FOXP2: variants seen among roughly 807,000 people sequenced by gnomAD.
FOXP2 encodes the protein forkhead box P2.
Under a neutral mutation model 115.8 loss-of-function variants are expected in FOXP2, and 12 were observed. The ratio of observed to expected loss-of-function variants is 0.10; its 90% CI spans 0.07 to 0.17. FOXP2 has a LOEUF of 0.17. Ranked by LOEUF, FOXP2 falls within the 10% of genes least tolerant of loss-of-function variation. The pLI is 1.00. For synonymous variants in FOXP2, 328 were observed against 297.7 expected (o/e 1.10, Z -1.05); for missense variants, 629 against 843.5 (o/e 0.75, Z 3.15).
At chr7:114,458,339 T>A (rs1795409866) in intron 2 of FOXP2, among the ~76,000 whole-genome samples, 1 of 152,024 alleles carries the variant, frequency 6.6e-6, no homozygotes, top group South Asian at 2.1e-4. Flanking sequence ...CATAATCTTG[T>A]GTATTCCCAT....
intron 2 of FOXP2, among the ~76,000 whole-genome samples, chr7:114,495,483 C>CTCTTTTTTTTTTTTTTTTTTTTTTTT (rs776653007): frequency 3.3e-5 from 2 of 61,446 alleles, no homozygotes; most frequent in Admixed American, 2.3e-4. Context: ...TTCTCTCTCT[C>CTCTTTTTTTTTTTTTTTTTTTTTTTT]TTTTTTTTTT....
chr7:114,412,485 T>C (rs990814481), upstream of FOXP2, among the ~76,000 whole-genome samples: 1 of 152,062 alleles, frequency 6.6e-6, no homozygotes, highest in Non-Finnish European at 1.5e-5. Flanking sequence ...CCTAATACAT[T>C]TGTGTGTGTG....
At chr7:114,169,181 C>T (rs1429993194) in intron 1 of FOXP2, among the ~76,000 whole-genome samples, 3 of 151,088 alleles carry the variant, frequency 2.0e-5, no homozygotes, top group Admixed American at 2.0e-4. Context: ...AAGAGGGCCA[C>T]CGTCCTCCAG....
chr7:114,554,347 GT>G (rs1800354856), intron 3 of FOXP2, among the ~76,000 whole-genome samples: 1 of 152,050 alleles, frequency 6.6e-6, no homozygotes, highest in Non-Finnish European at 1.5e-5. Context: ...TCAAATTGGT[GT>G]GTTTACCATT....
At chr7:114,445,823 A>G (rs946054706) in intron 2 of FOXP2, among the ~76,000 whole-genome samples, 4 of 152,120 alleles carry the variant, frequency 2.6e-5, no homozygotes, top group African/African-American at 9.7e-5. Context: ...TTAAGAAATT[A>G]CCTTCAGATA....
At chr7:114,477,155 G>T (rs980150854) in intron 2 of FOXP2, among the ~76,000 whole-genome samples, 1 of 151,832 alleles carries the variant, frequency 6.6e-6, no homozygotes, top group African/African-American at 2.4e-5. Flanking sequence ...TTAATTACTG[G>T]ATGTATACCC....
intron 2 of FOXP2, among the ~76,000 whole-genome samples, chr7:114,318,976 G>A (rs1020880006): frequency 6.6e-6 from 1 of 152,078 alleles, no homozygotes; most frequent in Non-Finnish European, 1.5e-5. Context: ...TTAAAATGTG[G>A]ATAGAATAAA....
chr7:114,211,470 C>A (rs544047303), intron 1 of FOXP2, among the ~76,000 whole-genome samples: 3 of 152,330 alleles, frequency 2.0e-5, no homozygotes, highest in Non-Finnish European at 2.9e-5. Context: ...CTCTGTTCCG[C>A]TCCTGGATGG....
intron 2 of FOXP2, among the ~76,000 whole-genome samples, chr7:114,375,052 GC>G (rs1792108150): frequency 6.6e-6 from 1 of 151,988 alleles, no homozygotes; most frequent in African/African-American, 2.4e-5. Flanking sequence ...TATATTTTAT[GC>G]TTTAGTGGAC....
chr7:114,543,689 A>G (rs996322367), intron 3 of FOXP2, among the ~76,000 whole-genome samples: 3 of 152,214 alleles, frequency 2.0e-5, no homozygotes, highest in African/African-American at 7.2e-5. Context: ...TCAACTTTTT[A>G]GCTACTTGAT....
intron 2 of FOXP2, among the ~76,000 whole-genome samples, chr7:114,501,551 A>G (rs1044862705): frequency 6.6e-6 from 1 of 152,184 alleles, no homozygotes; most frequent in African/African-American, 2.4e-5. Flanking sequence ...ACAGAGTGAT[A>G]GGAACAGCCA....
At chr7:114,107,205 C>G (rs1791139512) in intron 1 of FOXP2, among the ~76,000 whole-genome samples, 1 of 151,904 alleles carries the variant, frequency 6.6e-6, no homozygotes, top group Non-Finnish European at 1.5e-5. Flanking sequence ...ATTTAGGAAG[C>G]CAGTTTTCCT....
intron 3 of FOXP2, among the ~76,000 whole-genome samples, chr7:114,620,096 A>C (rs552576191): frequency 1.3e-5 from 2 of 152,172 alleles, no homozygotes; most frequent in African/African-American, 4.8e-5. Flanking sequence ...TGGTAAGAGC[A>C]CAAAACAAAA....
intron 2 of FOXP2, among the ~76,000 whole-genome samples, chr7:114,384,329 A>G (rs536246905): frequency 2.0e-5 from 3 of 152,312 alleles, no homozygotes; most frequent in African/African-American, 7.2e-5. Context: ...AACAGTTCTT[A>G]TGCAAATTCA....
chr7:114,534,523 C>T, intron 2 of FOXP2, 94 bp from the exon 3 acceptor site: 7 of 1,014,054 alleles, frequency 6.9e-6, no homozygotes, highest in Non-Finnish European at 9.4e-6. Context: ...TATGGGAGTT[C>T]TTGTACATTG....
intron 1 of FOXP2, among the ~76,000 whole-genome samples, chr7:114,208,209 C>T (rs1180160163): frequency 6.6e-6 from 1 of 152,148 alleles, no homozygotes; most frequent in African/African-American, 2.4e-5. Context: ...GAACCCACCG[C>T]TTTCATCAGT....
At chr7:114,599,972 G>A (rs1263781451) in intron 3 of FOXP2, among the ~76,000 whole-genome samples, 1 of 151,986 alleles carries the variant, frequency 6.6e-6, no homozygotes, top group Admixed American at 6.6e-5. Flanking sequence ...CCTGTTACTG[G>A]CATCTTGCAC....
intron 2 of FOXP2, among the ~76,000 whole-genome samples, chr7:114,355,426 T>C (rs1324620717): frequency 6.6e-6 from 1 of 152,196 alleles, no homozygotes; most frequent in Non-Finnish European, 1.5e-5. Context: ...TGGTGTTTAC[T>C]TTTGTTCTAG....
intron 2 of FOXP2, among the ~76,000 whole-genome samples, chr7:114,428,554 A>G (rs1793973302): frequency 1.3e-5 from 2 of 151,496 alleles, no homozygotes; most frequent in South Asian, 4.1e-4. Context: ...GGGTGCCTAC[A>G]TAGCTACTTT....
Sources: gnomAD v4.1 joint callset for allele counts (sites outside exome capture counted in the v4.1 genomes callset) on GRCh38, gnomAD v4.1.1 for gene constraint, MANE v1.5 for transcripts, NCBI Gene and HGNC (gene_info 2026-07-23, HGNC 2026-07-21) for gene names.